The following ADCY2 variants were observed in gnomAD, a reference collection of about 807,000 sequenced individuals.
ADCY2 encodes the protein adenylate cyclase 2.
A neutral mutation model predicts 125.2 loss-of-function variants in ADCY2; 31 were observed. That is an observed-to-expected ratio of 0.25 (90% CI 0.19 to 0.33). The LOEUF (loss-of-function observed/expected upper bound fraction) is 0.33. Among genes scored for constraint, ADCY2 ranks in the 10% least tolerant of loss-of-function variants. The probability of loss-of-function intolerance (pLI) is 1.00; values close to 1 mark genes in which losing one functional copy is unlikely to be tolerated. For missense variants in ADCY2, 904 were observed against 1,418.2 expected (o/e 0.64, Z 5.82); for synonymous variants, 512 against 548.4 (o/e 0.93, Z 0.93).
intron 3 of ADCY2, among the ~76,000 whole-genome samples, chr5:7,593,101 A>G (rs1419254505): frequency 2.0e-5 from 3 of 152,190 alleles, no homozygotes; most frequent in African/African-American, 7.2e-5. Context: ...AGAGCTGTGG[A>G]AGCAGCTGCC....
At chr5:7,631,200 C>G (rs1738299263) in intron 4 of ADCY2, among the ~76,000 whole-genome samples, 1 of 152,162 alleles carries the variant, frequency 6.6e-6, no homozygotes, top group South Asian at 2.1e-4. Flanking sequence ...CCGGGCTAAT[C>G]CAAGATAAAC....
At chr5:7,589,528 A>AGGAGAAAG (rs1554022248) in intron 3 of ADCY2, among the ~76,000 whole-genome samples, 2 of 132,558 alleles carry the variant, frequency 1.5e-5, no homozygotes, top group African/African-American at 6.1e-5. Context: ...AAGAAAGAGA[A>AGGAGAAAG]AGAAAGAAAG....
chr5:7,467,820 G>A (rs936713676), intron 2 of ADCY2, among the ~76,000 whole-genome samples: 1 of 152,076 alleles, frequency 6.6e-6, no homozygotes, highest in African/African-American at 2.4e-5. Context: ...AATGCATATT[G>A]GGAAATAGTT....
chr5:7,681,706 C>T (rs73047972), intron 4 of ADCY2, among the ~76,000 whole-genome samples: 12,543 of 151,944 alleles, frequency 0.083, 1,756 homozygotes, highest in African/African-American at 0.29. Context: ...GGGAGTTTGC[C>T]GACAGTGTGG....
intron 3 of ADCY2, among the ~76,000 whole-genome samples, chr5:7,560,758 A>G (rs1561095075): frequency 6.6e-6 from 1 of 151,678 alleles, no homozygotes; most frequent in Non-Finnish European, 1.5e-5. Context: ...GTGCCATGTC[A>G]GCTCACTGCA....
At chr5:7,744,752 A>C (rs13179598) in intron 15 of ADCY2, among the ~76,000 whole-genome samples, 1 of 152,262 alleles carries the variant, frequency 6.6e-6, no homozygotes, top group Admixed American at 6.5e-5. Context: ...GAAGCTTCAG[A>C]GATTTTTTTA....
At chr5:7,631,540 A>T (rs1738311104) in intron 4 of ADCY2, among the ~76,000 whole-genome samples, 1 of 152,214 alleles carries the variant, frequency 6.6e-6, no homozygotes, top group African/African-American at 2.4e-5. Flanking sequence ...GAGATTTTCC[A>T]GGACGTGAAG....
intron 1 of ADCY2, among the ~76,000 whole-genome samples, chr5:7,399,852 G>A (rs1307199519): frequency 1.3e-5 from 2 of 152,122 alleles, no homozygotes; most frequent in African/African-American, 4.8e-5. Context: ...TTGACCCCTG[G>A]CATCAGAAAA....
At chr5:7,508,468 A>G (rs1482174453) in intron 2 of ADCY2, among the ~76,000 whole-genome samples, 1 of 152,188 alleles carries the variant, frequency 6.6e-6, no homozygotes, top group Non-Finnish European at 1.5e-5. Context: ...GATCTGCTCC[A>G]TGTGTATTTA....
intron 15 of ADCY2, among the ~76,000 whole-genome samples, chr5:7,752,722 G>C (rs1201891497): frequency 1.3e-5 from 2 of 151,454 alleles, no homozygotes; most frequent in African/African-American, 2.4e-5. Context: ...AGGAAAGAGA[G>C]AGGGAAGGAA....
intron 3 of ADCY2, among the ~76,000 whole-genome samples, chr5:7,613,158 A>T (rs1269278867): frequency 2.0e-5 from 3 of 149,470 alleles, no homozygotes; most frequent in East Asian, 2.0e-4. Flanking sequence ...AAAGTATAAT[A>T]ATAAAAAAAA....
At chr5:7,665,983 C>A (rs1181797231) in intron 4 of ADCY2, among the ~76,000 whole-genome samples, 1 of 148,610 alleles carries the variant, frequency 6.7e-6, no homozygotes, top group Non-Finnish European at 1.5e-5. Context: ...GGACTACAGG[C>A]ACCCGCCACT....
intron 4 of ADCY2, among the ~76,000 whole-genome samples, chr5:7,663,840 ACT>A (rs750016345): frequency 1.6e-4 from 24 of 152,106 alleles, no homozygotes; most frequent in African/African-American, 2.4e-4. Context: ...ATAGCTCAGA[ACT>A]CTCTCTTGGA....
At chr5:7,494,110 G>C (rs1743262656) in intron 2 of ADCY2, among the ~76,000 whole-genome samples, 1 of 152,116 alleles carries the variant, frequency 6.6e-6, no homozygotes, top group Non-Finnish European at 1.5e-5. Flanking sequence ...GGCACAAGCT[G>C]GTGCTGAGCT....
intron 19 of ADCY2, among the ~76,000 whole-genome samples, chr5:7,785,349 T>C (rs1240974997): frequency 6.6e-6 from 1 of 152,178 alleles, no homozygotes; most frequent in African/African-American, 2.4e-5. Flanking sequence ...CCGGGACAAC[T>C]GTCCTCTAGC....
In ADCY2 at chr5:7,513,018, A is replaced by T. The variant is rs185130794; in HGVS notation, c.409-7720A>T. On this transcript the variant is annotated intron_variant, in intron 2 of 24. Transcript: ENST00000338316. ...TGACATGGGAAGAGGTGATTTCTCA[A>T]CTGAACCAGAGCTGGGATGTGATGG... Among the ~76,000 whole-genome samples, 11 of 151,748 alleles carry T rather than the reference A, an allele frequency of 7.2e-5. No individual in the cohort carries two copies. In the East Asian group the frequency reaches 2.1e-3, roughly 29 times the overall value.
At chr5:7,419,153 G>A (rs967197021) in intron 2 of ADCY2, among the ~76,000 whole-genome samples, 3 of 152,186 alleles carry the variant, frequency 2.0e-5, no homozygotes, top group Non-Finnish European at 4.4e-5. Context: ...GAATGAGCCT[G>A]CTATGCAGTC....
intron 4 of ADCY2, among the ~76,000 whole-genome samples, chr5:7,678,580 A>G (rs1167093603): frequency 3.3e-5 from 5 of 152,236 alleles, no homozygotes; most frequent in Admixed American, 1.3e-4. Flanking sequence ...ACATCTTCCA[A>G]TCAGTTCTTC....
chr5:7,620,223 T>TA lies in ADCY2; in HGVS notation c.571-5939dup, dbSNP rs1438059571. ...AGACTTAATAGCAACAGATGTGGTA[T>TA]AAAAAGAATAAAGAAAATAATAATC... On this transcript the variant is annotated intron_variant, in intron 3 of 24. Transcript: ENST00000338316. Among the ~76,000 whole-genome samples the TA allele has an allele frequency of 2.6e-5, 4 of 152,318 alleles. No homozygotes were observed. The East Asian group carries it at 5.8e-4, about 22-fold the overall frequency.
Sources: gnomAD v4.1 joint callset for allele counts (sites outside exome capture counted in the v4.1 genomes callset) on GRCh38, gnomAD v4.1.1 for gene constraint, MANE v1.5 for transcripts, NCBI Gene and HGNC (gene_info 2026-07-23, HGNC 2026-07-21) for gene names.